GPCPD1: variants seen among roughly 807,000 people sequenced by gnomAD.
The protein encoded by GPCPD1 is glycerophosphocholine phosphodiesterase 1.
Under a neutral mutation model 89.2 loss-of-function variants are expected in GPCPD1, and 29 were observed. The ratio of observed to expected loss-of-function variants is 0.33; its 90% confidence interval spans 0.24 to 0.44. The LOEUF (loss-of-function observed/expected upper bound fraction) is 0.44, where lower values mean the gene tolerates loss of function less well. Ranked by LOEUF, GPCPD1 falls within the 20% of genes least tolerant of loss-of-function variation. The pLI, the probability that GPCPD1 is intolerant of heterozygous loss-of-function variation, is 1.00. For synonymous variants in GPCPD1, 258 were observed against 266.3 expected, an observed-to-expected ratio of 0.97 and a Z score of 0.30; for missense variants, 594 against 808.9, an observed-to-expected ratio of 0.73 and a Z score of 3.22.
At chr20:5,565,500 A>T (rs1986351584) in intron 14 of GPCPD1, among the ~76,000 whole-genome samples, 1 of 152,110 alleles carries the variant, frequency 6.6e-6, no homozygotes, top group Non-Finnish European at 1.5e-5. Context: ...AACTGCTGGG[A>T]TTACAGGAGT....
intron 19 of GPCPD1, among the ~76,000 whole-genome samples, chr20:5,552,760 T>G (rs1241482037): frequency 6.6e-6 from 1 of 152,230 alleles, no homozygotes; most frequent in Non-Finnish European, 1.5e-5. Context: ...AGGATTTACT[T>G]GGACTACAAT....
At chr20:5,551,692 A>C (rs542973610) in intron 19 of GPCPD1, among the ~76,000 whole-genome samples, 1 of 152,280 alleles carries the variant, frequency 6.6e-6, no homozygotes, top group African/African-American at 2.4e-5. Context: ...AGGCAGGAGA[A>C]TCACTTGAAC....
chr20:5,581,557 G>A (rs1978486422), intron 6 of GPCPD1, among the ~76,000 whole-genome samples: 1 of 152,172 alleles, frequency 6.6e-6, no homozygotes. Flanking sequence ...AGAACTGTGA[G>A]TCAGAGCCAT....
chr20:5,592,486 T>C (rs947993789), intron 4 of GPCPD1, among the ~76,000 whole-genome samples: 1 of 152,182 alleles, frequency 6.6e-6, no homozygotes, highest in African/African-American at 2.4e-5. Flanking sequence ...TTTTGTCTCT[T>C]TTCTTTGTAT....
intron 1 of GPCPD1, among the ~76,000 whole-genome samples, chr20:5,610,328 T>A (rs892330573): frequency 6.6e-6 from 1 of 152,196 alleles, no homozygotes; most frequent in Admixed American, 6.5e-5. Context: ...TTGGAATAAC[T>A]GAATTATACA....
chr20:5,565,954 A>G (rs943031692), intron 14 of GPCPD1, among the ~76,000 whole-genome samples: 2 of 152,342 alleles, frequency 1.3e-5, no homozygotes, highest in East Asian at 3.9e-4. Flanking sequence ...AAATTCAAAG[A>G]CAAAATCATG....
intron 1 of GPCPD1, among the ~76,000 whole-genome samples, chr20:5,606,551 ACC>A: frequency 6.6e-6 from 1 of 152,196 alleles, no homozygotes; most frequent in African/African-American, 2.4e-5. Flanking sequence ...ATAGATCTAT[ACC>A]AGCAGTTCTC....
At chr20:5,581,206 G>T (rs181230054) in intron 6 of GPCPD1, among the ~76,000 whole-genome samples, 6 of 152,194 alleles carry the variant, frequency 3.9e-5, no homozygotes. Context: ...ATACATTGAG[G>T]TTACATAACA....
Position 5,604,774 on chromosome 20 carries a change from TAC to T in GPCPD1, c.-28-336_-28-335del, listed in dbSNP as rs11466989. ...GGGCAATATAGTGAGGCCTCATGTC[TAC>T]ACACACACACACACACACACACACA... On this transcript the variant is annotated intron_variant, in intron 1 of 19. Coordinates refer to ENST00000379019, the MANE Select transcript of GPCPD1 (RefSeq NM_019593.5). 6.3e-3 allele frequency among the ~76,000 whole-genome samples: 874 copies of T among 139,052 alleles called. 9 individuals carry two copies. Among genetic ancestry groups the T allele is most frequent in the Admixed American group, 0.029 (399 of 13,720 alleles). The allele number at this position is 139,052 out of a possible 152,430, so 91.2% of individuals were successfully genotyped here. A position where few individuals can be genotyped will look rare whatever the true frequency, so the allele number is the denominator to read the frequency against.
intron 16 of GPCPD1, 95 bp downstream of exon 16, chr20:5,561,370 T>G: frequency 1.6e-6 from 1 of 641,298 alleles, no homozygotes; most frequent in Non-Finnish European, 2.7e-6. Flanking sequence ...GAGATTTCAA[T>G]TTAGCTTATT....
chr20:5,584,863 C>T (rs1487395032), intron 5 of GPCPD1: 1 of 152,602 alleles, frequency 6.6e-6, no homozygotes, highest in East Asian at 1.9e-4. Context: ...AGCACAACCC[C>T]TTCTCCTAAC....
chr20:5,578,073 C>T (rs1391585342), intron 8 of GPCPD1, among the ~76,000 whole-genome samples: 4 of 152,160 alleles, frequency 2.6e-5, no homozygotes, highest in Non-Finnish European at 5.9e-5. Context: ...ACAAAGCCTG[C>T]CCTGGTCTCT....
chr20:5,579,872 A>G, intron 7 of GPCPD1, 136 bp downstream of exon 7: 1 of 513,582 alleles, frequency 1.9e-6, no homozygotes, highest in Non-Finnish European at 3.5e-6. Context: ...GTAGTTCACT[A>G]TTACAAAGCC....
rs149148952 is a variant in GPCPD1, at chr20:5,565,357, G to A, written c.1268-279C>T. On this transcript the variant is annotated intron_variant, in intron 14 of 19. Transcript: ENST00000379019. ...ATTGATCCTCCAGCCTCAGACTCCC[G>A]AGTAGCTATGCCCATAGACATGCAC... 9.2e-5 allele frequency among the ~76,000 whole-genome samples: 14 copies of A among 151,808 alleles called. No homozygotes were observed. In the East Asian group the frequency reaches 1.4e-3, roughly 15 times the overall value.
chr20:5,602,702 G>T (rs1051225854), intron 2 of GPCPD1, among the ~76,000 whole-genome samples: 1 of 152,192 alleles, frequency 6.6e-6, no homozygotes, highest in Non-Finnish European at 1.5e-5. Context: ...TTTTGACCAG[G>T]CACGGTCTGT....
rs115041998 is a variant in GPCPD1, at chr20:5,598,388, A to G, written c.146+337T>C. On this transcript the variant is annotated intron_variant, in intron 3 of 19. Transcript: ENST00000379019. ...ACCACTGTACTCCAGCCTGGGTAAC[A>G]GAGTGAGACCCTGTCTAACTAATTA... Among the ~76,000 whole-genome samples the G allele has an allele frequency of 7.4e-3, 1,131 of 152,256 alleles. 14 individuals carry two copies. The highest frequency in any genetic ancestry group is 0.025 in the African/African-American group (1,044 of 41,548).
intron 1 of GPCPD1, among the ~76,000 whole-genome samples, chr20:5,609,977 C>A (rs938600566): frequency 6.6e-6 from 1 of 151,980 alleles, no homozygotes; most frequent in Non-Finnish European, 1.5e-5. Context: ...TGGGAGGAGG[C>A]GACAGAAGAG....
chr20:5,599,818 G>A (rs1221578177), intron 2 of GPCPD1, among the ~76,000 whole-genome samples: 2 of 152,146 alleles, frequency 1.3e-5, no homozygotes, highest in African/African-American at 4.8e-5. Flanking sequence ...CTCCCAAAGT[G>A]CTGGGTTTAC....
chr20:5,581,985 C>T (rs1600764372), intron 6 of GPCPD1, among the ~76,000 whole-genome samples: 1 of 148,224 alleles, frequency 6.7e-6, no homozygotes, highest in Non-Finnish European at 1.5e-5. Flanking sequence ...GAGATCGAGA[C>T]CATCCTGGCT....
Sources: allele counts gnomAD v4.1 joint callset (sites outside exome capture counted in the v4.1 genomes callset), GRCh38; gene constraint gnomAD v4.1.1; transcripts MANE v1.5; gene names NCBI Gene and HGNC (gene_info 2026-07-23, HGNC 2026-07-21).